CACNB2: variants seen among roughly 807,000 people sequenced by gnomAD.
The protein encoded by CACNB2 is voltage-dependent L-type calcium channel subunit beta-2.
Under a neutral mutation model 73.3 loss-of-function variants are expected in CACNB2, and 42 were observed. That is an observed-to-expected ratio of 0.57 (90% confidence interval 0.45 to 0.74). The LOEUF is 0.74. CACNB2 is among the 30% of genes least tolerant of loss of function. The pLI is 0.00. For missense variants in CACNB2, 940 were observed against 853.0 expected, an observed-to-expected ratio of 1.10 and a Z score of -1.27; for synonymous variants, 348 against 310.3, an observed-to-expected ratio of 1.12 and a Z score of -1.28.
intron 2 of CACNB2, chr10:18,340,656 T>A (rs773276409): frequency 3.0e-5 from 41 of 1,357,694 alleles, no homozygotes; most frequent in Non-Finnish European, 3.8e-5. Flanking sequence ...CAGAGGAGAA[T>A]AAGACCCTCC....
intron 2 of CACNB2, among the ~76,000 whole-genome samples, chr10:18,304,656 T>C (rs925566931): frequency 6.6e-6 from 1 of 152,296 alleles, no homozygotes; most frequent in South Asian, 2.1e-4. Flanking sequence ...ACCTTGACTT[T>C]GCCTGCCGCT....
chr10:18,374,751 G>T (rs1169153493), intron 2 of CACNB2, among the ~76,000 whole-genome samples: 1 of 152,062 alleles, frequency 6.6e-6, no homozygotes, highest in South Asian at 2.1e-4. Flanking sequence ...AGCACTAAAT[G>T]CCACTTTCCT....
intron 2 of CACNB2, among the ~76,000 whole-genome samples, chr10:18,330,075 A>T (rs2132008732): frequency 6.6e-6 from 1 of 152,268 alleles, no homozygotes; most frequent in East Asian, 1.9e-4. Flanking sequence ...TCCTGACCTC[A>T]AGTGATCCAC....
At chr10:18,485,489 A>G (rs561428469) in intron 3 of CACNB2, among the ~76,000 whole-genome samples, 7 of 126,500 alleles carry the variant, frequency 5.5e-5, no homozygotes, top group African/African-American at 2.1e-4. Context: ...AGTGTACACA[A>G]CAAATAAGTG....
intron 2 of CACNB2, among the ~76,000 whole-genome samples, chr10:18,349,422 A>G (rs1030568654): frequency 6.6e-6 from 1 of 152,240 alleles, no homozygotes; most frequent in Non-Finnish European, 1.5e-5. Flanking sequence ...TTGTTGATGC[A>G]GTATCTGCTT....
intron 2 of CACNB2, among the ~76,000 whole-genome samples, chr10:18,292,274 T>A (rs1038145278): frequency 3.3e-5 from 5 of 152,222 alleles, no homozygotes; most frequent in African/African-American, 1.2e-4. Context: ...TCTAAGTAAT[T>A]GCCCTCAATC....
chr10:18,480,799 A>C (rs1032131622), intron 3 of CACNB2, among the ~76,000 whole-genome samples: 1 of 152,198 alleles, frequency 6.6e-6, no homozygotes, highest in Non-Finnish European at 1.5e-5. Flanking sequence ...CCCTGGAGGA[A>C]AACTTGGTAA....
chr10:18,233,168 C>T (rs1163473256), intron 2 of CACNB2, among the ~76,000 whole-genome samples: 1 of 152,166 alleles, frequency 6.6e-6, no homozygotes, highest in Non-Finnish European at 1.5e-5. Flanking sequence ...TGATGAGAGT[C>T]TAGGACAGGG....
chr10:18,466,126 G>C (rs1458400148), intron 3 of CACNB2, among the ~76,000 whole-genome samples: 2 of 152,140 alleles, frequency 1.3e-5, no homozygotes, highest in Non-Finnish European at 2.9e-5. Context: ...TTCCAGTTAC[G>C]GTGCACGAAG....
At chr10:18,344,693 C>T (rs1277843) in intron 2 of CACNB2, among the ~76,000 whole-genome samples, 84,245 of 151,872 alleles carry the variant, frequency 0.55, 23,921 homozygotes, top group South Asian at 0.65. Context: ...AAGTTTTTAC[C>T]ACTAAAAATA....
At chr10:18,474,823 C>T (rs1214460193) in intron 3 of CACNB2, among the ~76,000 whole-genome samples, 2 of 151,976 alleles carry the variant, frequency 1.3e-5, no homozygotes, top group African/African-American at 4.8e-5. Context: ...GCTAATGCCA[C>T]GTCCTGCAAT....
chr10:18,277,065 C>T (rs1336052276), intron 2 of CACNB2, among the ~76,000 whole-genome samples: 4 of 152,146 alleles, frequency 2.6e-5, no homozygotes, highest in Non-Finnish European at 2.9e-5. Flanking sequence ...TGCAGTGAGC[C>T]GTGTTCGTGC....
intron 3 of CACNB2, among the ~76,000 whole-genome samples, chr10:18,408,584 G>T (rs2044428353): frequency 6.6e-6 from 1 of 152,072 alleles, no homozygotes; most frequent in African/African-American, 2.4e-5. Context: ...GAAGACATGA[G>T]AAGATGTTGA....
chr10:18,287,715 A>G (rs564598654), intron 2 of CACNB2, among the ~76,000 whole-genome samples: 59 of 152,248 alleles, frequency 3.9e-4, no homozygotes, highest in Non-Finnish European at 7.6e-4. Flanking sequence ...GCTGGGCACG[A>G]TGGCACGCCC....
At chr10:18,498,294 A>T in intron 3 of CACNB2, 61 bp from the exon 4 acceptor site, 1 of 1,596,428 alleles carries the variant, frequency 6.3e-7, no homozygotes, top group Non-Finnish European at 8.6e-7. Flanking sequence ...TGTTTGAGGG[A>T]AAAAGGAGGG....
chr10:18,379,344 C>T (rs1030825916), intron 2 of CACNB2, among the ~76,000 whole-genome samples: 4 of 152,128 alleles, frequency 2.6e-5, no homozygotes, highest in Non-Finnish European at 2.9e-5. Context: ...TCCCTAGTAG[C>T]TAGGACAACA....
intron 2 of CACNB2, among the ~76,000 whole-genome samples, chr10:18,177,817 G>A (rs181567127): frequency 6.6e-6 from 1 of 152,254 alleles, no homozygotes; most frequent in African/African-American, 2.4e-5. Context: ...GTAAGCATGT[G>A]GAATTACAGC....
rs573184712 is a variant in CACNB2, at chr10:18,301,794, A to G, written c.214-100130A>G. Among the ~76,000 whole-genome samples, 3 of 151,950 alleles carry G rather than the reference A, an allele frequency of 2.0e-5. No homozygotes were observed. In the South Asian group the frequency reaches 6.2e-4, roughly 32 times the overall value. ...CTCCCGAGTAGCTGGGATTACAGGC[A>G]TCTGCCACCACGCACAGCTAATTTT... is the stretch of plus-strand genomic sequence containing the variant. On this transcript the variant is annotated intron_variant, in intron 2 of 13. Transcript: ENST00000324631.
intron 1 of CACNB2, among the ~76,000 whole-genome samples, chr10:18,143,187 G>C (rs951761670): frequency 1.3e-5 from 2 of 152,178 alleles, no homozygotes; most frequent in Non-Finnish European, 2.9e-5. Context: ...AGGGAACTGT[G>C]GAAGGAGTTC....
Sources: allele counts gnomAD v4.1 joint callset (sites outside exome capture counted in the v4.1 genomes callset), GRCh38; gene constraint gnomAD v4.1.1; transcripts MANE v1.5; gene names NCBI Gene and HGNC (gene_info 2026-07-23, HGNC 2026-07-21).